Variants in CHST11 observed in about 807,000 individuals in gnomAD.
CHST11 encodes the protein C4S-1.
A neutral mutation model predicts 30.4 loss-of-function variants in CHST11; 9 were observed. The ratio of observed to expected loss-of-function variants is 0.30; its 90% CI spans 0.18 to 0.52. The LOEUF is 0.52. Ranked by LOEUF, CHST11 falls within the 20% of genes least tolerant of loss-of-function variation. The probability of loss-of-function intolerance (pLI) is 0.97; values close to 1 mark genes in which losing one functional copy is unlikely to be tolerated. For synonymous variants in CHST11, 152 were observed against 187.8 expected, an observed-to-expected ratio of 0.81 and a Z score of 1.56; for missense variants, 348 against 460.6, an observed-to-expected ratio of 0.76 and a Z score of 2.24.
In CHST11 at chr12:104,634,670, C is replaced by T. The variant is rs2039306068; in HGVS notation, c.204+32679C>T. ...TGGGTGATCATGTCAGGGCCCTTTACTTGCCCTGAGGCACCTCTTCTAGGT... is the reference window on the plus strand; with the variant it reads ...TGGGTGATCATGTCAGGGCCCTTTATTTGCCCTGAGGCACCTCTTCTAGGT... On this transcript the variant is annotated intron_variant, in intron 2 of 2. Coordinates refer to ENST00000303694, the MANE Select transcript of CHST11 (RefSeq NM_018413.6). 3.3e-5 allele frequency among the ~76,000 whole-genome samples: 5 copies of T among 152,200 alleles called. No individual in the cohort carries two copies. The South Asian group carries it at 1.0e-3, about 32-fold the overall frequency.
At chr12:104,531,578 C>T (rs1185487385) in intron 1 of CHST11, among the ~76,000 whole-genome samples, 1 of 151,428 alleles carries the variant, frequency 6.6e-6, no homozygotes, top group South Asian at 2.1e-4. Flanking sequence ...TTTTTCTTTC[C>T]CTCATTCTTT....
intron 1 of CHST11, among the ~76,000 whole-genome samples, chr12:104,511,000 C>G (rs73384136): frequency 3.3e-5 from 5 of 151,904 alleles, no homozygotes; most frequent in African/African-American, 1.2e-4. Context: ...AAAATAAAAG[C>G]CCAAAACCTT....
rs376285467 is a variant in CHST11 at position 104,733,142 on chromosome 12, A to G, written c.205-23807A>G. 3.9e-5 allele frequency among the ~76,000 whole-genome samples: 6 copies of G among 152,270 alleles called. No homozygotes were observed. The South Asian group carries it at 6.2e-4, about 16-fold the overall frequency. ...CTCCAGGGTGTGTCCTCTTCCCACA[A>G]TGCTGTTCTGCCACCGGGTTCTTTA... On this transcript the variant is annotated intron_variant, in intron 2 of 2. Transcript: ENST00000303694.
intron 1 of CHST11, among the ~76,000 whole-genome samples, chr12:104,570,693 C>CTTTT (rs55750051): frequency 0.041 from 5,759 of 141,318 alleles, 186 homozygotes; most frequent in Middle Eastern, 0.069. Context: ...AGCCACTGCA[C>CTTTT]TTTTTTTTTT....
chr12:104,534,467 C>G (rs1438303549), intron 1 of CHST11, among the ~76,000 whole-genome samples: 1 of 152,202 alleles, frequency 6.6e-6, no homozygotes, highest in Non-Finnish European at 1.5e-5. Context: ...TCACTTGCTG[C>G]TCACGGTTCC....
chr12:104,580,109 C>A (rs868098271), intron 1 of CHST11, among the ~76,000 whole-genome samples: 1 of 152,316 alleles, frequency 6.6e-6, no homozygotes, highest in South Asian at 2.1e-4. Context: ...TTTCAAGGCC[C>A]TTCAGCTAGT....
At chr12:104,470,517 G>C (rs181673815) in intron 1 of CHST11, among the ~76,000 whole-genome samples, 2 of 152,216 alleles carry the variant, frequency 1.3e-5, no homozygotes, top group South Asian at 2.1e-4. Flanking sequence ...GCAATTCAAG[G>C]TGAGATTTGG....
chr12:104,529,732 T>A (rs560880445), intron 1 of CHST11, among the ~76,000 whole-genome samples: 3 of 152,298 alleles, frequency 2.0e-5, no homozygotes, highest in Admixed American at 2.0e-4. Context: ...CATGGCTCTT[T>A]CCCTTAACAA....
rs1197567274 is a variant in CHST11, at chr12:104,475,677, TATATATATATA to T, written c.118+18149_118+18159del. 9.5e-4 allele frequency among the ~76,000 whole-genome samples: 115 copies of T among 121,362 alleles called. 7 individuals carry two copies. In the Middle Eastern group the frequency reaches 0.012, roughly 12 times the overall value. 79.6% of individuals were successfully genotyped at this position (121,362 alleles called of 152,430 possible). A position where few individuals can be genotyped will look rare whatever the true frequency, so the allele number is the denominator to read the frequency against. ...GCAGCATTATATATATATATATATA[TATATATATATA>T]TATTTCTGATTATGAAATTAATTCA... On this transcript the variant is annotated intron_variant, in intron 1 of 2. Transcript: ENST00000303694.
intron 2 of CHST11, among the ~76,000 whole-genome samples, chr12:104,747,553 G>GA (rs1228874871): frequency 6.6e-6 from 1 of 152,090 alleles, no homozygotes; most frequent in Non-Finnish European, 1.5e-5. Context: ...CTGCCAGAAA[G>GA]AAACGTCATA....
intron 2 of CHST11, among the ~76,000 whole-genome samples, chr12:104,736,776 G>T (rs1327845902): frequency 6.6e-6 from 1 of 152,208 alleles, no homozygotes; most frequent in Non-Finnish European, 1.5e-5. Context: ...GTCCATGAAA[G>T]AGACTGCTTC....
intron 2 of CHST11, among the ~76,000 whole-genome samples, chr12:104,740,406 A>T (rs1360085920): frequency 6.6e-6 from 1 of 152,212 alleles, no homozygotes; most frequent in East Asian, 1.9e-4. Flanking sequence ...CTGCCCTGGA[A>T]TCCATCCCTG....
chr12:104,558,770 C>T (rs2038484729), intron 1 of CHST11, among the ~76,000 whole-genome samples: 1 of 151,972 alleles, frequency 6.6e-6, no homozygotes, highest in African/African-American at 2.4e-5. Flanking sequence ...AACTCCTGAC[C>T]TCAAGTGATC....
chr12:104,513,139 T>TGGGGGGGGGGGGGGGGGGGGGGG (rs1565969846), intron 1 of CHST11, among the ~76,000 whole-genome samples: 2 of 2,932 alleles, frequency 6.8e-4, no homozygotes, highest in Non-Finnish European at 6.7e-4. Context: ...GGGGGGGGGT[T>TGGGGGGGGGGGGGGGGGGGGGGG]GGGGGTGGGG....
rs137976444 is a variant in CHST11 at position 104,490,357 on chromosome 12, A to G, written c.118+32828A>G. 1.4e-3 allele frequency among the ~76,000 whole-genome samples: 212 copies of G among 152,324 alleles called. 2 individuals carry two copies. Among genetic ancestry groups the G allele is most frequent in the African/African-American group, 4.8e-3 (198 of 41,584 alleles). ...TGGGCTCTGATATGGTCTTTCAAATATGAATCACCCCTGGCATGTGTGTTT... is the reference window on the plus strand; with the variant it reads ...TGGGCTCTGATATGGTCTTTCAAATGTGAATCACCCCTGGCATGTGTGTTT... On this transcript the variant is annotated intron_variant, in intron 1 of 2. Transcript: ENST00000303694.
intron 1 of CHST11, among the ~76,000 whole-genome samples, chr12:104,469,464 C>A (rs1275680006): frequency 1.3e-5 from 2 of 152,146 alleles, no homozygotes; most frequent in Non-Finnish European, 2.9e-5. Flanking sequence ...AAGCTGAACT[C>A]CGAGGAGGAT....
intron 2 of CHST11, among the ~76,000 whole-genome samples, chr12:104,713,276 T>C (rs180875288): frequency 1.4e-3 from 215 of 152,174 alleles, no homozygotes; most frequent in African/African-American, 4.7e-3. Flanking sequence ...TTTATTCTGC[T>C]TGGGGATTTG....
intron 1 of CHST11, among the ~76,000 whole-genome samples, chr12:104,546,038 C>T (rs2038344836): frequency 6.6e-6 from 1 of 152,194 alleles, no homozygotes; most frequent in African/African-American, 2.4e-5. Flanking sequence ...CCCACAGGCT[C>T]CACCTTCTAA....
intron 2 of CHST11, among the ~76,000 whole-genome samples, chr12:104,633,499 C>T (rs941524162): frequency 4.1e-5 from 6 of 148,104 alleles, no homozygotes; most frequent in Non-Finnish European, 7.4e-5. Flanking sequence ...ACTGCAACCT[C>T]TGTCTCTTGG....
Sources: allele counts gnomAD v4.1 joint callset (sites outside exome capture counted in the v4.1 genomes callset), GRCh38; gene constraint gnomAD v4.1.1; transcripts MANE v1.5; gene names NCBI Gene and HGNC (gene_info 2026-07-23, HGNC 2026-07-21).